The following SNX1 variants were observed in gnomAD, a reference collection of about 807,000 sequenced individuals.
SNX1 encodes sorting nexin-1.
Under a neutral mutation model 71.8 loss-of-function variants are expected in SNX1, and 36 were observed. The observed-to-expected ratio is 0.50, with a 90% CI of 0.38 to 0.66. The LOEUF is 0.66. Among genes scored for constraint, SNX1 ranks in the 30% least tolerant of loss-of-function variants. SNX1 has a pLI of 0.00. For synonymous variants in SNX1, 254 were observed against 240.7 expected (o/e 1.06, Z -0.51); for missense variants, 612 against 646.7 (o/e 0.95, Z 0.58).
intron 1 of SNX1, among the ~76,000 whole-genome samples, chr15:64,104,270 G>GA (rs1174636500): frequency 9.5e-6 from 1 of 105,504 alleles, no homozygotes; most frequent in Non-Finnish European, 2.1e-5. Context: ...TTGGAGTAAA[G>GA]GGTTTTTTTT....
chr15:64,137,539 A>G (rs1317905316), intron 14 of SNX1, 29 bp from the exon 15 acceptor site: 1 of 1,613,916 alleles, frequency 6.2e-7, no homozygotes, highest in Non-Finnish European at 8.5e-7. Context: ...AGGTGGGGGC[A>G]CTTGCTTAAT....
chr15:64,116,525 T>A (rs1403235759), intron 2 of SNX1, among the ~76,000 whole-genome samples: 1 of 152,184 alleles, frequency 6.6e-6, no homozygotes, highest in Non-Finnish European at 1.5e-5. Flanking sequence ...GATTCACATT[T>A]AGTGATTAGA....
At position 64,141,248 on chromosome 15, in the gene SNX1, C is replaced by T. The variant is rs554369539; in HGVS notation, c.*3630C>T. The T allele has an allele frequency of 6.6e-6, 1 of 152,356 alleles. No individual in the cohort carries two copies. Among genetic ancestry groups the T allele is most frequent in the South Asian group, 2.1e-4 (1 of 4,830 alleles). 9.4% of individuals were successfully genotyped at this position (152,356 alleles called of 1,614,324 possible). On this transcript the variant is annotated 3_prime_UTR_variant, in exon 15 of 15. Transcript: ENST00000559844. The surrounding 1 kb of genome is among the most constrained non-coding windows in gnomAD (Gnocchi z 5.1). ...TGTTAAGTTCCATCTAATGATCATT[C>T]TGACGTAAGTCTGTTTTTCTTATTT... is the stretch of plus-strand genomic sequence containing the variant.
intron 1 of SNX1, among the ~76,000 whole-genome samples, chr15:64,101,278 A>G (rs992128721): frequency 7.9e-5 from 12 of 152,178 alleles, no homozygotes; most frequent in African/African-American, 2.9e-4. Context: ...AACAGCTTCC[A>G]CAGTCCCTGG....
intron 1 of SNX1, among the ~76,000 whole-genome samples, chr15:64,108,514 T>C (rs2081045671): frequency 6.6e-6 from 1 of 152,206 alleles, no homozygotes; most frequent in Non-Finnish European, 1.5e-5. Flanking sequence ...TACGATACCA[T>C]GAACGTGAGT....
intron 2 of SNX1, among the ~76,000 whole-genome samples, chr15:64,114,212 A>G (rs72755082): frequency 0.045 from 6,919 of 152,314 alleles, 199 homozygotes; most frequent in South Asian, 0.084. Flanking sequence ...GAGACCAGAT[A>G]ATTTTTCGAA....
intron 1 of SNX1, among the ~76,000 whole-genome samples, chr15:64,110,501 A>G (rs1321137484): frequency 6.6e-6 from 1 of 152,088 alleles, no homozygotes; most frequent in Non-Finnish European, 1.5e-5. Flanking sequence ...GGCTCAAGTG[A>G]TCCTCCCACC....
At chr15:64,102,517 C>A (rs145915474) in intron 1 of SNX1, among the ~76,000 whole-genome samples, 46 of 152,268 alleles carry the variant, frequency 3.0e-4, no homozygotes, top group African/African-American at 1.1e-3. Context: ...TAACCAACTT[C>A]TCCTCATCCT....
intron 2 of SNX1, chr15:64,115,753 AT>A: frequency 6.1e-6 from 1 of 163,960 alleles, no homozygotes; most frequent in Middle Eastern, 1.7e-3. Context: ...GTTTGGTTTT[AT>A]TTTTTGTAGA....
Position 64,129,926 on chromosome 15 carries a change from C to T in SNX1, c.818C>T (p.Ala273Val). The change falls in exon 9 of 15, where the codon GCC becomes GTC. Residue 273 changes from alanine (A) to valine (V), a missense_variant. By Grantham distance (64) the Ala-to-Val change is moderately conservative. This residue lies in a region of SNX1 where 296 missense variants were observed against 361.9 expected (regional missense o/e 0.82). Transcript: ENST00000559844. The surrounding 1 kb of genome is among the most constrained non-coding windows in gnomAD (Gnocchi z 4.4). Reference sequence around the variant, plus strand: ...TTCTTGGTCTTGTAGCTGCCACGTGCCGTGGGTACCCAGACATTGAGTGGT... The same window carrying T: ...TTCTTGGTCTTGTAGCTGCCACGTGTCGTGGGTACCCAGACATTGAGTGGT... ...EFLEKEELPR[A>V]VGTQTLSGAG... The T allele has an allele frequency of 1.2e-6, 2 of 1,613,636 alleles. No homozygotes were observed. Among genetic ancestry groups the T allele is most frequent in the Non-Finnish European group, 1.7e-6 (2 of 1,179,614 alleles).
rs201711179 is a variant in SNX1 at position 64,138,343 on chromosome 15, G to A, written c.*725G>A. 4 of 639,738 alleles carry A rather than the reference G, an allele frequency of 6.3e-6. No individual in the cohort carries two copies. The highest frequency in any genetic ancestry group is 9.6e-6 in the Non-Finnish European group (4 of 414,704). 39.6% of individuals were successfully genotyped at this position (639,738 alleles called of 1,614,324 possible). A position where few individuals can be genotyped will look rare whatever the true frequency, so the allele number is the denominator to read the frequency against. The stretch of plus-strand genomic sequence containing the variant: ...TCTCTCTCTTTTTTTTTTTTTTTTG[G>A]TGTCCCTATCATTAAGCAAGAGCCT... On this transcript the variant is annotated 3_prime_UTR_variant, in exon 15 of 15. Coordinates refer to ENST00000559844, the MANE Select transcript of SNX1 (RefSeq NM_003099.5).
intron 1 of SNX1, among the ~76,000 whole-genome samples, chr15:64,110,164 G>GA (rs1016490437): frequency 3.3e-5 from 5 of 152,112 alleles, no homozygotes; most frequent in South Asian, 2.1e-4. Flanking sequence ...CAGTAGAGGG[G>GA]AAAAAACAGG....
In SNX1 at chr15:64,138,316, T is replaced by TAA; in HGVS notation, c.*698_*699insAA. On this transcript the variant is annotated 3_prime_UTR_variant, in exon 15 of 15. Coordinates refer to ENST00000559844, the MANE Select transcript of SNX1 (RefSeq NM_003099.5). ...TCTCCTGCAAAGGAGGCAGAGACTT[T>TAA]CTCTCTCTCTTTTTTTTTTTTTTTT... 1 of 846,124 alleles carries TAA rather than the reference T, an allele frequency of 1.2e-6. No homozygotes were observed. The highest frequency in any genetic ancestry group is 1.6e-6 in the Non-Finnish European group (1 of 610,354). 52.4% of individuals were successfully genotyped at this position (846,124 alleles called of 1,614,324 possible). A position where few individuals can be genotyped will look rare whatever the true frequency, so the allele number is the denominator to read the frequency against.
chr15:64,106,622 G>C (rs2081024749), intron 1 of SNX1, among the ~76,000 whole-genome samples: 1 of 152,206 alleles, frequency 6.6e-6, no homozygotes, highest in Non-Finnish European at 1.5e-5. Flanking sequence ...TTAAGATATG[G>C]AAGTTATCCT....
chr15:64,107,306 A>C (rs1469887024), intron 1 of SNX1, among the ~76,000 whole-genome samples: 1 of 152,210 alleles, frequency 6.6e-6, no homozygotes, highest in Non-Finnish European at 1.5e-5. Context: ...AGATCCTTTG[A>C]CTGTAATGTA....
Position 64,137,791 on chromosome 15 carries a change from C to A in SNX1, c.*173C>A. On this transcript the variant is annotated 3_prime_UTR_variant, in exon 15 of 15. Coordinates refer to ENST00000559844, the MANE Select transcript of SNX1 (RefSeq NM_003099.5). ...CTCTAACCGTTATTTCATTTAGCTT[C>A]CATATATATTTTCTTACCTAAGAGA... 7.0e-7 allele frequency: 1 copy of A among 1,434,618 alleles called. No individual in the cohort carries two copies. Among genetic ancestry groups the A allele is most frequent in the Non-Finnish European group, 9.1e-7 (1 of 1,093,846 alleles). 88.9% of individuals were successfully genotyped at this position (1,434,618 alleles called of 1,614,324 possible).
intron 11 of SNX1, among the ~76,000 whole-genome samples, chr15:64,133,790 G>A (rs538968184): frequency 9.8e-5 from 15 of 152,306 alleles, no homozygotes; most frequent in Admixed American, 4.6e-4. Context: ...GCTGGAACCC[G>A]GCTGGGCGGC....
intron 11 of SNX1, among the ~76,000 whole-genome samples, chr15:64,133,166 T>C (rs1237588541): frequency 6.6e-6 from 1 of 152,242 alleles, no homozygotes. Flanking sequence ...CTCATGCTTA[T>C]GAGCCTGGTG....
At chr15:64,111,407 C>G (rs181305887) in intron 1 of SNX1, 13 of 152,264 alleles carry the variant, frequency 8.5e-5, no homozygotes, top group African/African-American at 2.6e-4. Context: ...TCATATAAGT[C>G]TAAATATTGG....
Sources: gnomAD v4.1 joint callset for allele counts (sites outside exome capture counted in the v4.1 genomes callset) on GRCh38, gnomAD v4.1.1 for gene constraint, gnomAD v4.1.1 regional missense constraint, Gnocchi (gnomAD v3.1) non-coding constraint, MANE v1.5 for transcripts, NCBI Gene and HGNC (gene_info 2026-07-23, HGNC 2026-07-21) for gene names.